Variants in LITAF observed in about 807,000 individuals in gnomAD.
LITAF encodes lipopolysaccharide induced TNF factor.
Under a neutral mutation model 14.5 loss-of-function variants are expected in LITAF, and 9 were observed. The ratio of observed to expected loss-of-function variants is 0.62; its 90% CI spans 0.37 to 1.08. The LOEUF (loss-of-function observed/expected upper bound fraction) is 1.08. Ranked by LOEUF, LITAF falls within the 50% of genes least tolerant of loss-of-function variation. The pLI, the probability that LITAF is intolerant of heterozygous loss-of-function variation, is 0.01. For synonymous variants in LITAF, 98 were observed against 88.2 expected, an observed-to-expected ratio of 1.11 and a Z score of -0.62; for missense variants, 206 against 213.4, an observed-to-expected ratio of 0.97 and a Z score of 0.22.
intron 1 of LITAF, among the ~76,000 whole-genome samples, chr16:11,581,383 A>T (rs1209358828): frequency 6.6e-6 from 1 of 152,248 alleles, no homozygotes; most frequent in Non-Finnish European, 1.5e-5. Flanking sequence ...GGTGAGGCTC[A>T]TGCCTGTAAT....
intron 1 of LITAF, among the ~76,000 whole-genome samples, chr16:11,579,055 G>T (rs1046271222): frequency 5.9e-5 from 9 of 152,058 alleles, no homozygotes; most frequent in South Asian, 4.1e-4. Flanking sequence ...TGGGTGTGGT[G>T]GTGCGTGCCT....
At chr16:11,601,113 TC>T (rs1210547661), upstream of LITAF, among the ~76,000 whole-genome samples, 1 of 151,234 alleles carries the variant, frequency 6.6e-6, no homozygotes. Context: ...TGATTCTCCA[TC>T]CCCCCACCCT....
chr16:11,574,000 C>T lies in LITAF; in HGVS notation c.-6+12886G>A, dbSNP rs548021816. Among the ~76,000 whole-genome samples, 283 of 127,590 alleles carry T rather than the reference C, an allele frequency of 2.2e-3. 1 individual carries two copies. The highest frequency in any genetic ancestry group is 0.011 in the Middle Eastern group (3 of 278). 83.7% of individuals were successfully genotyped at this position (127,590 alleles called of 152,430 possible). ...TACAGGCATGAGCCAAGGTGCCCGG[C>T]GTTTTTTTGGTTTTTTTTTTGTTGT... On this transcript the variant is annotated intron_variant, in intron 1 of 3. Coordinates refer to ENST00000622633, the MANE Select transcript of LITAF (RefSeq NM_001136472.2).
chr16:11,549,847 T>G lies in LITAF; in HGVS notation c.378-102A>C. The G allele has an allele frequency of 1.1e-6, 1 of 930,714 alleles. No homozygotes were observed. Among genetic ancestry groups the G allele is most frequent in the South Asian group, 1.4e-5 (1 of 71,230 alleles). 57.7% of individuals were successfully genotyped at this position (930,714 alleles called of 1,614,324 possible). A position where few individuals can be genotyped will look rare whatever the true frequency, so the allele number is the denominator to read the frequency against. On this transcript the variant is annotated intron_variant, in intron 3 of 3. Transcript: ENST00000622633. The surrounding 1 kb of genome is among the most constrained non-coding windows in gnomAD (Gnocchi z 4.6). The stretch of plus-strand genomic sequence containing the variant: ...TGTCCTTCTTTGTAAAAAGGGTCTT[T>G]GCCAGTATAATTAGGAATTTTGAGA...
intron 1 of LITAF, among the ~76,000 whole-genome samples, chr16:11,578,955 G>A (rs1271565398): frequency 1.3e-5 from 2 of 152,162 alleles, no homozygotes; most frequent in Admixed American, 1.3e-4. Flanking sequence ...CTGGGAGGCC[G>A]AGGCGGGTGG....
At chr16:11,570,006 G>T (rs2064516995) in intron 1 of LITAF, among the ~76,000 whole-genome samples, 1 of 150,444 alleles carries the variant, frequency 6.6e-6, no homozygotes, top group Non-Finnish European at 1.5e-5. Context: ...CTCCCGCCTG[G>T]GCCACAGAGC....
chr16:11,563,020 A>C (rs542110623), intron 1 of LITAF, among the ~76,000 whole-genome samples: 13 of 151,894 alleles, frequency 8.6e-5, no homozygotes, highest in Middle Eastern at 6.8e-3. Context: ...CCCAGCTATT[A>C]AGGAAGCTGA....
upstream of LITAF, among the ~76,000 whole-genome samples, chr16:11,639,810 C>T (rs879479205): frequency 7.9e-5 from 12 of 152,216 alleles, no homozygotes; most frequent in South Asian, 2.1e-4. Flanking sequence ...GCCTGGCCAA[C>T]ATGGTGAAAC....
At chr16:11,633,967 G>C (rs1462238503) in intron 2 of LITAF, among the ~76,000 whole-genome samples, 1 of 152,202 alleles carries the variant, frequency 6.6e-6, no homozygotes, top group African/African-American at 2.4e-5. Flanking sequence ...AACATAGGAA[G>C]TGCCACATAT....
In LITAF at chr16:11,548,954, G is replaced by A. The variant is rs13810; in HGVS notation, c.*683C>T. 2 of 454,060 alleles carry A rather than the reference G, an allele frequency of 4.4e-6. No individual in the cohort carries two copies. Among genetic ancestry groups the A allele is most frequent in the South Asian group, 3.1e-5 (2 of 64,478 alleles). The allele number at this position is 454,060 out of a possible 1,614,324, so 28.1% of individuals were successfully genotyped here. A position where few individuals can be genotyped will look rare whatever the true frequency, so the allele number is the denominator to read the frequency against. On this transcript the variant is annotated 3_prime_UTR_variant, in exon 4 of 4. Coordinates refer to ENST00000622633, the MANE Select transcript of LITAF (RefSeq NM_001136472.2). ...AAGATCTGGCACAGAGAAACAAGGG[G>A]AGACAGGGCAGTGATAAGATCCAGC...
At chr16:11,560,328 C>T (rs1241732325) in intron 1 of LITAF, among the ~76,000 whole-genome samples, 1 of 148,044 alleles carries the variant, frequency 6.8e-6, no homozygotes, top group African/African-American at 2.5e-5. Context: ...TTAAATGTGG[C>T]GGCCAGGCAC....
intron 1 of LITAF, among the ~76,000 whole-genome samples, chr16:11,579,301 A>G (rs1438411844): frequency 6.6e-6 from 1 of 150,714 alleles, no homozygotes; most frequent in Non-Finnish European, 1.5e-5. Context: ...AATACAAAAA[A>G]TTAGCCGGGC....
Position 11,581,575 on chromosome 16 carries a change from C to T in LITAF, c.-6+5311G>A, listed in dbSNP as rs376459387. 1.8e-4 allele frequency among the ~76,000 whole-genome samples: 28 copies of T among 152,132 alleles called. No individual in the cohort carries two copies. In the East Asian group the frequency reaches 3.1e-3, roughly 17 times the overall value. On this transcript the variant is annotated intron_variant, in intron 1 of 3. Coordinates refer to ENST00000622633, the MANE Select transcript of LITAF (RefSeq NM_001136472.2). ...TTGAGGCTGCATGGAGCTGTGATCA[C>T]GCCACTGTACTCCAGCCTGGCCAAC...
chr16:11,553,487 G>C lies in LITAF; in HGVS notation c.377+46C>G, dbSNP rs779618992. 1.2e-5 allele frequency: 20 copies of C among 1,609,192 alleles called. No homozygotes were observed. The South Asian group carries it at 2.1e-4, about 17-fold the overall frequency. ...GAGAACCCACCCCCGCCAGCACCCAGAGAGAAGGGCAGGATGGCTTGGGGC... is the reference window on the plus strand; with the variant it reads ...GAGAACCCACCCCCGCCAGCACCCACAGAGAAGGGCAGGATGGCTTGGGGC... On this transcript the variant is annotated intron_variant, in intron 3 of 3. Transcript: ENST00000622633. This position sits in a 1 kb window ranked among gnomAD's most constrained non-coding sequence, Gnocchi z 7.7.
At chr16:11,556,127 G>A (rs553723846) in intron 2 of LITAF, among the ~76,000 whole-genome samples, 1 of 152,182 alleles carries the variant, frequency 6.6e-6, no homozygotes, top group African/African-American at 2.4e-5. Flanking sequence ...GCTCAGGACG[G>A]TTTCTTCTCC....
chr16:11,638,125 G>GATATATATAT (rs1281181329), upstream of LITAF, among the ~76,000 whole-genome samples: 2 of 82,194 alleles, frequency 2.4e-5, no homozygotes, highest in African/African-American at 1.1e-4. Context: ...TATATAGATA[G>GATATATATAT]ATAGATAGAT....
intron 1 of LITAF, among the ~76,000 whole-genome samples, chr16:11,563,655 C>G (rs1007063608): frequency 6.6e-5 from 10 of 152,046 alleles, no homozygotes; most frequent in Admixed American, 4.6e-4. Context: ...CACTGGGCAC[C>G]TTGCAATTCA....
upstream of LITAF, among the ~76,000 whole-genome samples, chr16:11,601,180 C>G (rs938743373): frequency 1.3e-5 from 2 of 152,208 alleles, no homozygotes; most frequent in East Asian, 1.9e-4. Context: ...AGACCCCATC[C>G]TGGGAATGTC....
At chr16:11,623,369 A>G (rs768334111) in intron 3 of LITAF, among the ~76,000 whole-genome samples, 7 of 152,068 alleles carry the variant, frequency 4.6e-5, no homozygotes, top group Non-Finnish European at 8.8e-5. Context: ...GCCATCATCA[A>G]GAATCTCTCA....
Sources: allele counts gnomAD v4.1 joint callset (sites outside exome capture counted in the v4.1 genomes callset), GRCh38; gene constraint gnomAD v4.1.1; non-coding constraint Gnocchi (gnomAD v3.1); transcripts MANE v1.5; gene names NCBI Gene and HGNC (gene_info 2026-07-23, HGNC 2026-07-21).